Variants in CBL observed in about 807,000 individuals in gnomAD.
CBL encodes E3 ubiquitin-protein ligase CBL.
A neutral mutation model predicts 96.9 loss-of-function variants in CBL; 45 were observed. The observed-to-expected ratio is 0.46, with a 90% CI of 0.37 to 0.60. The LOEUF (loss-of-function observed/expected upper bound fraction) is 0.60, where lower values mean the gene tolerates loss of function less well. Ranked by LOEUF, CBL falls within the 20% of genes least tolerant of loss-of-function variation. CBL has a pLI of 0.00. For missense variants in CBL, 1,024 were observed against 1,143.5 expected (o/e 0.90, Z 1.51); for synonymous variants, 420 against 426.8 (o/e 0.98, Z 0.20).
Position 119,297,016 on chromosome 11 carries a change from A to G in CBL, c.2135A>G (p.Asp712Gly). 2 of 1,586,064 alleles carry G rather than the reference A, an allele frequency of 1.3e-6. No homozygotes were observed. The highest frequency in any genetic ancestry group is 1.7e-6 in the Non-Finnish European group (2 of 1,154,346). ...TCTTCCAGGCCTCTACGGCCTTTGGATACATCCCAGAGTTCACGGTAGGTT... is the reference window on the plus strand; with the variant it reads ...TCTTCCAGGCCTCTACGGCCTTTGGGTACATCCCAGAGTTCACGGTAGGTT... ...TPSSRPLRPL[D>G]TSQSSRACDC... Residue 712 changes from aspartate to glycine, a missense_variant, in exon 13 of 16, where the codon GAT becomes GGT. Physicochemically the swap from Asp to Gly is moderately conservative, Grantham distance 94 (BLOSUM62 -1). Around this residue, in one of 4 missense-constraint regions of CBL, gnomAD observed 695 missense variants for 661.6 expected, o/e 1.05. Transcript: ENST00000264033.
At chr11:119,285,862 C>T (rs2135311326) in intron 11 of CBL, among the ~76,000 whole-genome samples, 1 of 152,046 alleles carries the variant, frequency 6.6e-6, no homozygotes, top group South Asian at 2.1e-4. Context: ...CGCCACTGCA[C>T]TCCAGCCTAG....
Position 119,298,495 on chromosome 11 carries a change from A to G in CBL, c.2389A>G (p.Ser797Gly), listed in dbSNP as rs138151048. The G allele has an allele frequency of 3.7e-6, 6 of 1,614,202 alleles. No homozygotes were observed. The South Asian group carries it at 6.6e-5, about 18-fold the overall frequency. The change falls in exon 15 of 16, where the codon AGC becomes GGC. Residue 797 changes from serine (S) to glycine (G), a missense_variant. Physicochemically the swap from Ser to Gly is moderately conservative, Grantham distance 56. Coordinates refer to ENST00000264033, the MANE Select transcript of CBL (RefSeq NM_005188.4). ...AACTCTCTCAGATATCTCTAATGCC[A>G]GCTCCTCCTTTGGCTGGTTGTCTCT... ...RRTLSDISNA[S>G]SSFGWLSLDG...
In CBL at chr11:119,301,084, T is replaced by C. The variant is rs1950098696; in HGVS notation, c.*1303T>C. Reference sequence around the variant, plus strand: ...ATGGCACCTTCCCTGCATTGCTGCCTCCCGATGATGTGGTTCTTTTCTTGT... The same window carrying C: ...ATGGCACCTTCCCTGCATTGCTGCCCCCCGATGATGTGGTTCTTTTCTTGT... On this transcript the variant is annotated 3_prime_UTR_variant, in exon 16 of 16. Transcript: ENST00000264033. The C allele has an allele frequency of 1.3e-5, 3 of 233,324 alleles. No homozygotes were observed. The highest frequency in any genetic ancestry group is 2.5e-5 in the Non-Finnish European group (3 of 118,110). 14.5% of individuals were successfully genotyped at this position (233,324 alleles called of 1,614,324 possible).
intron 2 of CBL, among the ~76,000 whole-genome samples, chr11:119,252,593 C>T (rs958687311): frequency 5.1e-4 from 78 of 152,230 alleles, no homozygotes; most frequent in African/African-American, 1.3e-3. Context: ...CGGTGGCTCA[C>T]GCCTATAATC....
At chr11:119,294,776 T>C (rs1463278231) in intron 12 of CBL, among the ~76,000 whole-genome samples, 1 of 144,766 alleles carries the variant, frequency 6.9e-6, no homozygotes. Context: ...GGTGCCACAG[T>C]GAGACTCCGT....
In CBL at chr11:119,275,930, TCTTGCCTTGC is replaced by T. The variant is rs534893397; in HGVS notation, c.870-63_870-54del. On this transcript the variant is annotated intron_variant, in intron 5 of 15. Coordinates refer to ENST00000264033, the MANE Select transcript of CBL (RefSeq NM_005188.4). ...ATGGTTCTTTTGATTTTTGTCTGTA[TCTTGCCTTGC>T]CTTCCACCGTAATACCAGCATAATC... 3.2e-5 allele frequency: 45 copies of T among 1,422,112 alleles called. No individual in the cohort carries two copies. The East Asian group carries it at 1.0e-3, about 32-fold the overall frequency. The allele number at this position is 1,422,112 out of a possible 1,614,324, so 88.1% of individuals were successfully genotyped here. A position where few individuals can be genotyped will look rare whatever the true frequency, so the allele number is the denominator to read the frequency against.
chr11:119,284,835 C>A, intron 9 of CBL, 134 bp from the exon 10 acceptor site: 1 of 1,038,386 alleles, frequency 9.6e-7, no homozygotes, highest in Non-Finnish European at 1.5e-6. Flanking sequence ...AGGGTGTGTG[C>A]GACCTCAAAC....
In CBL at chr11:119,225,079, C is replaced by T. The variant is rs969703375; in HGVS notation, c.196-7369C>T. ...GTGTGTGTGTGTGTGTGTGTGCGCGCGCTTGTATGTATGCATGTATTTATT... is the reference window on the plus strand; with the variant it reads ...GTGTGTGTGTGTGTGTGTGTGCGCGTGCTTGTATGTATGCATGTATTTATT... On this transcript the variant is annotated intron_variant, in intron 1 of 15. Transcript: ENST00000264033. Among the ~76,000 whole-genome samples, 5 of 150,842 alleles carry T rather than the reference C, an allele frequency of 3.3e-5. No homozygotes were observed. In the Admixed American group the frequency reaches 3.3e-4, roughly 10 times the overall value.
rs2510152 is a variant in CBL, at chr11:119,277,863, G to C, written c.1095+19G>C. On this transcript the variant is annotated intron_variant, in intron 7 of 15. Coordinates refer to ENST00000264033, the MANE Select transcript of CBL (RefSeq NM_005188.4). ...GACCCAGGTGAGTTTTGTTTCACAT[G>C]ATAACCATATCACTGGACACAAGCT... is the stretch of plus-strand genomic sequence containing the variant. 1 of 1,514,472 alleles carries C rather than the reference G, an allele frequency of 6.6e-7. No homozygotes were observed. Among genetic ancestry groups the C allele is most frequent in the Non-Finnish European group, 9.2e-7 (1 of 1,089,166 alleles). 93.8% of individuals were successfully genotyped at this position (1,514,472 alleles called of 1,614,324 possible). A position where few individuals can be genotyped will look rare whatever the true frequency, so the allele number is the denominator to read the frequency against.
At chr11:119,219,064 AT>A (rs1359695254) in intron 1 of CBL, among the ~76,000 whole-genome samples, 1 of 152,066 alleles carries the variant, frequency 6.6e-6, no homozygotes, top group African/African-American at 2.4e-5. Context: ...TTAAAAAAAA[AT>A]TTTGAAGAAG....
chr11:119,214,508 C>T (rs1565854137), intron 1 of CBL, among the ~76,000 whole-genome samples: 1 of 152,208 alleles, frequency 6.6e-6, no homozygotes, highest in Non-Finnish European at 1.5e-5. Context: ...TGCGACCTCC[C>T]AAAGTACTGG....
rs563512542 is a variant in CBL at position 119,305,811 on chromosome 11, C to T, written c.*6030C>T. 28 of 230,598 alleles carry T rather than the reference C, an allele frequency of 1.2e-4. No individual in the cohort carries two copies. The highest frequency in any genetic ancestry group is 5.7e-4 in the African/African-American group (26 of 45,218). 14.3% of individuals were successfully genotyped at this position (230,598 alleles called of 1,614,324 possible). On this transcript the variant is annotated 3_prime_UTR_variant, in exon 16 of 16. Coordinates refer to ENST00000264033, the MANE Select transcript of CBL (RefSeq NM_005188.4). Reference sequence around the variant, plus strand: ...GCCTAAATCTTTTGATCTTATATTTCTCTCATCTCAGAGCCTGTCCTGAGT... The same window carrying T: ...GCCTAAATCTTTTGATCTTATATTTTTCTCATCTCAGAGCCTGTCCTGAGT...
At chr11:119,293,944 C>T (rs1001325017) in intron 12 of CBL, among the ~76,000 whole-genome samples, 9 of 152,146 alleles carry the variant, frequency 5.9e-5, no homozygotes, top group Non-Finnish European at 1.0e-4. Flanking sequence ...CTACTTTAAA[C>T]GCCTAGTTCA....
In CBL at chr11:119,263,187, G is replaced by A. The variant is rs570822339; in HGVS notation, c.444-8548G>A. On this transcript the variant is annotated intron_variant, in intron 2 of 15. Coordinates refer to ENST00000264033, the MANE Select transcript of CBL (RefSeq NM_005188.4). Reference sequence around the variant, plus strand: ...ACCACAGGCACAGAGCCTGGAAAGCGTAGATAGAGTGTTTGGTGGAACATT... The same window carrying A: ...ACCACAGGCACAGAGCCTGGAAAGCATAGATAGAGTGTTTGGTGGAACATT... 5.9e-5 allele frequency among the ~76,000 whole-genome samples: 9 copies of A among 152,312 alleles called. No individual in the cohort carries two copies. The South Asian group carries it at 1.0e-3, about 18-fold the overall frequency.
intron 4 of CBL, 102 bp downstream of exon 4, chr11:119,274,126 T>C: frequency 1.1e-6 from 1 of 911,730 alleles, no homozygotes; most frequent in Non-Finnish European, 1.7e-6. Flanking sequence ...TTTGTCTGTA[T>C]GAAAGTATTT....
intron 2 of CBL, among the ~76,000 whole-genome samples, chr11:119,242,001 G>C (rs1249380534): frequency 2.6e-5 from 4 of 152,182 alleles, no homozygotes; most frequent in Admixed American, 2.6e-4. Flanking sequence ...TGATCCACTT[G>C]TATTTTACAG....
chr11:119,291,899 C>G (rs1331224083), intron 12 of CBL, among the ~76,000 whole-genome samples: 1 of 152,060 alleles, frequency 6.6e-6, no homozygotes, highest in Admixed American at 6.6e-5. Flanking sequence ...CTCTGTCACC[C>G]AGGCTGGAAT....
chr11:119,273,737 T>C (rs964517700), intron 3 of CBL, 131 bp from the exon 4 acceptor site: 34 of 801,508 alleles, frequency 4.2e-5, no homozygotes, highest in Non-Finnish European at 3.1e-5. Context: ...AGTTGACCTG[T>C]ATTTTGAATT....
chr11:119,207,513 G>C (rs1467537006), intron 1 of CBL, among the ~76,000 whole-genome samples: 1 of 151,952 alleles, frequency 6.6e-6, no homozygotes, highest in African/African-American at 2.4e-5. Flanking sequence ...TTTTTTGTTT[G>C]TTTGCTTTTT....
Sources: allele counts gnomAD v4.1 joint callset (sites outside exome capture counted in the v4.1 genomes callset), GRCh38; gene constraint gnomAD v4.1.1; regional missense constraint gnomAD v4.1.1; transcripts MANE v1.5; gene names NCBI Gene and HGNC (gene_info 2026-07-23, HGNC 2026-07-21).